PREX1: variants seen among roughly 807,000 people sequenced by gnomAD.
The protein encoded by PREX1 is phosphatidylinositol-3,4,5-trisphosphate dependent Rac exchange factor 1.
PREX1 carries 41 observed loss-of-function variants against 198.3 expected under a neutral mutation model. The observed-to-expected ratio is 0.21, with a 90% CI of 0.16 to 0.27. The LOEUF (loss-of-function observed/expected upper bound fraction) is 0.27. Ranked by LOEUF, PREX1 falls within the 10% of genes least tolerant of loss-of-function variation. The pLI, the probability that PREX1 is intolerant of heterozygous loss-of-function variation, is 1.00. For synonymous variants in PREX1, 843 were observed against 887.2 expected (o/e 0.95, Z 0.89); for missense variants, 1,620 against 2,200.7 (o/e 0.74, Z 5.28).
intron 1 of PREX1, among the ~76,000 whole-genome samples, chr20:48,825,883 GAGA>G (rs2090506546): frequency 8.3e-6 from 1 of 120,568 alleles, no homozygotes; most frequent in African/African-American, 3.3e-5. Context: ...GAAACTGTGA[GAGA>G]AGAAGGGATG....
intron 1 of PREX1, chr20:48,821,850 A>C (rs1378952609): frequency 6.6e-6 from 1 of 152,186 alleles, no homozygotes; most frequent in Non-Finnish European, 1.5e-5. Flanking sequence ...GTGACAGTTA[A>C]ATTGCTACCA....
At chr20:48,745,594 T>C (rs2090103925) in intron 2 of PREX1, among the ~76,000 whole-genome samples, 1 of 152,220 alleles carries the variant, frequency 6.6e-6, no homozygotes, top group Admixed American at 6.5e-5. Flanking sequence ...TATATTTCCA[T>C]GCACTCATTA....
At chr20:48,781,389 T>C (rs2090289140) in intron 1 of PREX1, among the ~76,000 whole-genome samples, 1 of 152,108 alleles carries the variant, frequency 6.6e-6, no homozygotes, top group South Asian at 2.1e-4. Context: ...AGCCTACAAT[T>C]ATCTCAAAAT....
intron 1 of PREX1, among the ~76,000 whole-genome samples, chr20:48,769,439 A>G (rs2090224691): frequency 6.6e-6 from 1 of 152,060 alleles, no homozygotes; most frequent in East Asian, 1.9e-4. Context: ...TAGGAGCCCC[A>G]GCACCCACTA....
intron 1 of PREX1, among the ~76,000 whole-genome samples, chr20:48,765,566 G>C (rs1333303211): frequency 6.6e-6 from 1 of 152,148 alleles, no homozygotes; most frequent in Non-Finnish European, 1.5e-5. Flanking sequence ...AGGAGGAAGC[G>C]ACTCCTACAC....
At chr20:48,735,481 C>T (rs2090053288) in intron 3 of PREX1, among the ~76,000 whole-genome samples, 2 of 152,136 alleles carry the variant, frequency 1.3e-5, no homozygotes. Context: ...TAACAGGCAT[C>T]CCCAGCCCAC....
chr20:48,662,599 T>C (rs1170165026), intron 15 of PREX1, among the ~76,000 whole-genome samples: 1 of 152,176 alleles, frequency 6.6e-6, no homozygotes, highest in Non-Finnish European at 1.5e-5. Context: ...GCCGGACCCC[T>C]GGTCAGCCCT....
the PREX1 span, among the ~76,000 whole-genome samples, chr20:48,834,566 C>CCT: frequency 6.5e-4 from 96 of 148,552 alleles, no homozygotes; most frequent in South Asian, 0.02. Context: ...ATTCCTGAGC[C>CCT]TTTTTTTTTT....
chr20:48,682,895 T>G (rs964436220), intron 10 of PREX1, among the ~76,000 whole-genome samples: 4 of 152,156 alleles, frequency 2.6e-5, no homozygotes, highest in Non-Finnish European at 5.9e-5. Flanking sequence ...CGCCTCCAAT[T>G]ACAGGGCCAG....
intron 6 of PREX1, among the ~76,000 whole-genome samples, chr20:48,704,065 G>A (rs1042597874): frequency 6.6e-6 from 1 of 152,190 alleles, no homozygotes; most frequent in Non-Finnish European, 1.5e-5. Context: ...CACATGCCAC[G>A]CACTGTTCTA....
At position 48,700,763 on chromosome 20, in the gene PREX1, G is replaced by A. The variant is rs766440280; in HGVS notation, c.907C>T (p.Arg303Trp). ...LFDNLLVYCK[R>W]KSRVTGSKKS... ...CTCCTGGCCACTCACCTGGATTTCC[G>A]CTTGCAGTAGACGAGAAGGTTGTCG... Residue 303 changes from arginine (R) to tryptophan (W), a missense_variant, in exon 7 of 40, where the codon CGG (arginine) becomes TGG (tryptophan). Physicochemically the swap from Arg to Trp is moderately radical, Grantham distance 101 (BLOSUM62 -3). This residue lies in a region of PREX1 where 488 missense variants were observed against 802.5 expected (regional missense o/e 0.61). Coordinates refer to ENST00000371941, the MANE Select transcript of PREX1 (RefSeq NM_020820.4). 7.4e-6 allele frequency: 12 copies of A among 1,613,128 alleles called. No individual in the cohort carries two copies. Among genetic ancestry groups the A allele is most frequent in the Non-Finnish European group, 4.2e-6 (5 of 1,179,990 alleles).
rs183208603 is a variant in PREX1 at position 48,691,240 on chromosome 20, G to A, written c.1037-144C>T. 5.6e-5 allele frequency: 57 copies of A among 1,017,898 alleles called. No individual in the cohort carries two copies. In the African/African-American group the frequency reaches 6.1e-4, roughly 11 times the overall value. 63.1% of individuals were successfully genotyped at this position (1,017,898 alleles called of 1,614,324 possible). A position where few individuals can be genotyped will look rare whatever the true frequency, so the allele number is the denominator to read the frequency against. On this transcript the variant is annotated intron_variant, in intron 8 of 39. Coordinates refer to ENST00000371941, the MANE Select transcript of PREX1 (RefSeq NM_020820.4). The surrounding 1 kb of genome is among the most constrained non-coding windows in gnomAD (Gnocchi z 5.0). ...GAGCTGGACTTCCAGCCCTTCAAAC[G>A]CTCACTTCTTATCCTTTTCCAGTGG...
chr20:48,695,561 T>A (rs890557488), intron 7 of PREX1, among the ~76,000 whole-genome samples: 3 of 152,230 alleles, frequency 2.0e-5, no homozygotes, highest in African/African-American at 7.2e-5. Context: ...ATTCCAGTTG[T>A]CCCACATCCT....
chr20:48,865,280 G>A, the PREX1 span, among the ~76,000 whole-genome samples: 26,349 of 152,088 alleles, frequency 0.17, 2,355 homozygotes, highest in Non-Finnish European at 0.19. Flanking sequence ...AGATATCTTC[G>A]CACATGTGTA....
At chr20:48,796,711 T>C (rs1174927358) in intron 1 of PREX1, among the ~76,000 whole-genome samples, 1 of 150,676 alleles carries the variant, frequency 6.6e-6, no homozygotes, top group Non-Finnish European at 1.5e-5. Flanking sequence ...AGATGTGATA[T>C]AAAATGTATA....
the PREX1 span, among the ~76,000 whole-genome samples, chr20:48,851,020 A>C: frequency 6.6e-6 from 1 of 152,188 alleles, no homozygotes; most frequent in Admixed American, 6.5e-5. Context: ...CATTATATGA[A>C]ATTCAAATTT....
intron 19 of PREX1, among the ~76,000 whole-genome samples, chr20:48,654,880 C>T (rs1975230059): frequency 6.6e-6 from 1 of 152,190 alleles, no homozygotes; most frequent in Admixed American, 6.5e-5. Context: ...GAACTGGTGG[C>T]CTTTCGGCTG....
intron 15 of PREX1, among the ~76,000 whole-genome samples, chr20:48,660,706 G>A (rs950337331): frequency 1.3e-5 from 2 of 152,104 alleles, no homozygotes; most frequent in Non-Finnish European, 2.9e-5. Flanking sequence ...CAGATGTGAA[G>A]GTAACTATAG....
intron 1 of PREX1, among the ~76,000 whole-genome samples, chr20:48,766,585 G>A (rs957821948): frequency 2.6e-5 from 4 of 152,142 alleles, no homozygotes; most frequent in African/African-American, 9.7e-5. Flanking sequence ...TCTCCCTCCT[G>A]CCAGCTGCTT....
Sources: gnomAD v4.1 joint callset for allele counts (sites outside exome capture counted in the v4.1 genomes callset) on GRCh38, gnomAD v4.1.1 for gene constraint, gnomAD v4.1.1 regional missense constraint, Gnocchi (gnomAD v3.1) non-coding constraint, MANE v1.5 for transcripts, NCBI Gene and HGNC (gene_info 2026-07-23, HGNC 2026-07-21) for gene names.